EIF5B: variants seen among roughly 807,000 people sequenced by gnomAD.
EIF5B encodes eukaryotic translation initiation factor 5B, also known as eIF-5B.
Under a neutral mutation model 147.5 loss-of-function variants are expected in EIF5B, and 47 were observed. The observed-to-expected ratio is 0.32, with a 90% CI of 0.25 to 0.41. The LOEUF (loss-of-function observed/expected upper bound fraction) is 0.41. Ranked by LOEUF, EIF5B falls within the 10% of genes least tolerant of loss-of-function variation. EIF5B has a pLI of 1.00. For synonymous variants in EIF5B, 455 were observed against 456.2 expected (o/e 1.00, Z 0.03); for missense variants, 1,064 against 1,413.2 (o/e 0.75, Z 3.96).
At chr2:99,355,284 T>C (rs1166581685) in intron 1 of EIF5B, among the ~76,000 whole-genome samples, 1 of 152,190 alleles carries the variant, frequency 6.6e-6, no homozygotes, top group African/African-American at 2.4e-5. Flanking sequence ...TGCCTTTTCA[T>C]ATAAATATTA....
intron 18 of EIF5B, 48 bp downstream of exon 18, chr2:99,393,146 G>T: frequency 7.0e-7 from 1 of 1,418,678 alleles, no homozygotes; most frequent in Non-Finnish European, 9.3e-7. Context: ...TTGAGTTCTG[G>T]CATGTGTCAG....
At chr2:99,365,934 C>T (rs1399488055) in intron 6 of EIF5B, among the ~76,000 whole-genome samples, 1 of 152,142 alleles carries the variant, frequency 6.6e-6, no homozygotes, top group Non-Finnish European at 1.5e-5. Context: ...CTGCTTACCA[C>T]ATTTATTACC....
chr2:99,387,151 G>A (rs1394014002), intron 14 of EIF5B, among the ~76,000 whole-genome samples: 1 of 152,014 alleles, frequency 6.6e-6, no homozygotes, highest in African/African-American at 2.4e-5. Context: ...CAAGTGATCC[G>A]CCAGCCTTGG....
chr2:99,385,746 T>TA (rs1344431850), intron 14 of EIF5B, among the ~76,000 whole-genome samples: 3 of 152,232 alleles, frequency 2.0e-5, no homozygotes, highest in Non-Finnish European at 4.4e-5. Flanking sequence ...ATCTCTGAGT[T>TA]ACGCATGTAT....
At chr2:99,364,848 A>G (rs6739853) in intron 6 of EIF5B, among the ~76,000 whole-genome samples, 108 of 151,790 alleles carry the variant, frequency 7.1e-4, no homozygotes, top group African/African-American at 2.6e-3. Flanking sequence ...TAGTTTGCCC[A>G]CATGACCACG....
intron 1 of EIF5B, among the ~76,000 whole-genome samples, chr2:99,342,585 C>CT (rs1029696438): frequency 1.7e-4 from 25 of 150,494 alleles, no homozygotes; most frequent in Non-Finnish European, 2.5e-4. Flanking sequence ...CCTCCCCCTC[C>CT]TTTTTTTTTG....
At chr2:99,358,298 C>T (rs1158349258) in intron 1 of EIF5B, among the ~76,000 whole-genome samples, 4 of 152,100 alleles carry the variant, frequency 2.6e-5, no homozygotes, top group Non-Finnish European at 4.4e-5. Context: ...AACTCCTGGG[C>T]TCAAGTGATC....
At chr2:99,340,676 G>A (rs1016978732) in intron 1 of EIF5B, 1 of 152,094 alleles carries the variant, frequency 6.6e-6, no homozygotes, top group Non-Finnish European at 1.5e-5. Flanking sequence ...GCATGTGTCA[G>A]TGATCAAGAT....
chr2:99,366,467 C>T (rs892184108), intron 6 of EIF5B, among the ~76,000 whole-genome samples: 6 of 152,184 alleles, frequency 3.9e-5, no homozygotes, highest in Admixed American at 1.3e-4. Flanking sequence ...ATTCGTCTTA[C>T]CAGTCATAGC....
Position 99,361,168 on chromosome 2 carries a change from G to A in EIF5B, c.267G>A (p.Glu89=). Reference sequence around the variant, plus strand: ...TTTAGCCAACAGAAAACAATGAAGAGGAATTCACCTCAAAAGATAAAAAAA... The same window carrying A: ...TTTAGCCAACAGAAAACAATGAAGAAGAATTCACCTCAAAAGATAAAAAAA... The part of the protein sequence containing the change: ...VAVKPTENNE[E]EFTSKDKKKK... The change falls in exon 4 of 24, where the codon GAG becomes GAA. Residue 89 remains glutamate (E), a synonymous_variant. Coordinates refer to ENST00000289371, the MANE Select transcript of EIF5B (RefSeq NM_015904.4). 1 of 1,531,550 alleles carries A rather than the reference G, an allele frequency of 6.5e-7. No individual in the cohort carries two copies. The allele number at this position is 1,531,550 out of a possible 1,614,324, so 94.9% of individuals were successfully genotyped here. A position where few individuals can be genotyped will look rare whatever the true frequency, so the allele number is the denominator to read the frequency against.
intron 1 of EIF5B, among the ~76,000 whole-genome samples, chr2:99,346,589 CTTTTTTTT>C (rs773411395): frequency 1.5e-4 from 9 of 61,670 alleles, no homozygotes; most frequent in African/African-American, 5.5e-4. Flanking sequence ...AGTTGTATCT[CTTTTTTTT>C]TTTTTTTTTT....
chr2:99,361,853 G>T, intron 4 of EIF5B, 33 bp downstream of exon 4: 1 of 1,486,064 alleles, frequency 6.7e-7, no homozygotes, highest in Non-Finnish European at 8.9e-7. Flanking sequence ...AGAGCAAAAG[G>T]CTTTTGATTC....
At chr2:99,378,884 A>G (rs1031912174) in intron 10 of EIF5B, 135 bp from the exon 11 acceptor site, 27 of 622,298 alleles carry the variant, frequency 4.3e-5, no homozygotes, top group Non-Finnish European at 5.2e-6. Flanking sequence ...ATAAATTCCA[A>G]TTATGTGTAG....
intron 17 of EIF5B, among the ~76,000 whole-genome samples, chr2:99,391,558 TCCC>T (rs1365716193): frequency 5.3e-5 from 8 of 152,086 alleles, no homozygotes; most frequent in Non-Finnish European, 1.0e-4. Flanking sequence ...TCCCCTGCCT[TCCC>T]CTCCTACCCC....
At chr2:99,376,686 G>T (rs1361340407) in intron 10 of EIF5B, 50 bp downstream of exon 10, 2 of 1,539,330 alleles carry the variant, frequency 1.3e-6, no homozygotes, top group African/African-American at 1.4e-5. Context: ...CCTCTGTGAT[G>T]ATTAAAACAG....
chr2:99,346,558 G>A (rs1188233049), intron 1 of EIF5B, among the ~76,000 whole-genome samples: 3 of 132,742 alleles, frequency 2.3e-5, no homozygotes, highest in African/African-American at 5.4e-5. Context: ...CTTACCATGT[G>A]ATTAGTTATT....
chr2:99,379,034 C>T lies in EIF5B; in HGVS notation c.1858C>T (p.His620Tyr), dbSNP rs760178760. Residue 620 changes from histidine (H) to tyrosine (Y), a missense_variant, in exon 11 of 24, where the codon CAT becomes TAT. His to Tyr is a moderately conservative substitution (Grantham distance 83). Coordinates refer to ENST00000289371, the MANE Select transcript of EIF5B (RefSeq NM_015904.4). ...TTATTTCTAGAAACGGCGACTTGAACATAGTAAAAATGTAAACACCGAAAA... is the reference window on the plus strand; with the variant it reads ...TTATTTCTAGAAACGGCGACTTGAATATAGTAAAAATGTAAACACCGAAAA... ...KRRIEKRRLEHSKNVNTEKLR... is the reference protein window; with the variant it reads ...KRRIEKRRLEYSKNVNTEKLR... 2.6e-6 allele frequency: 4 copies of T among 1,550,964 alleles called. No individual in the cohort carries two copies. The highest frequency in any genetic ancestry group is 2.6e-5 in the South Asian group (2 of 77,918).
chr2:99,392,109 A>G (rs934200313), intron 17 of EIF5B, among the ~76,000 whole-genome samples: 13 of 151,522 alleles, frequency 8.6e-5, no homozygotes, highest in Admixed American at 3.3e-4. Context: ...CAACATATCT[A>G]TCTGTTCTGT....
rs1411335084 is a variant in EIF5B at position 99,369,431 on chromosome 2, T to C, written c.1427T>C (p.Met476Thr). Residue 476 changes from methionine (M) to threonine (T), a missense_variant, in exon 8 of 24, where the codon ATG (methionine) becomes ACG (threonine). Around this residue, in one of 4 missense-constraint regions of EIF5B, gnomAD observed 195 missense variants for 186.3 expected, o/e 1.05. Coordinates refer to ENST00000289371, the MANE Select transcript of EIF5B (RefSeq NM_015904.4). The stretch of plus-strand genomic sequence containing the variant: ...GAATTATGTGCTGCTGTAGAAGTTA[T>C]GGAACAAGGAGTACCAGAAAAGGAA... Reference protein sequence around the residue: ...SMELCAAVEVMEQGVPEKEET... With the variant: ...SMELCAAVEVTEQGVPEKEET... 7.4e-6 allele frequency: 12 copies of C among 1,611,570 alleles called. 1 individual carries two copies. Among genetic ancestry groups the C allele is most frequent in the Admixed American group, 3.3e-5 (2 of 59,930 alleles).
Sources: allele counts gnomAD v4.1 joint callset (sites outside exome capture counted in the v4.1 genomes callset), GRCh38; gene constraint gnomAD v4.1.1; regional missense constraint gnomAD v4.1.1; transcripts MANE v1.5; gene names NCBI Gene and HGNC (gene_info 2026-07-23, HGNC 2026-07-21).